Variants in AMBRA1 observed in about 807,000 individuals in gnomAD.
AMBRA1 encodes autophagy and beclin 1 regulator 1.
A neutral mutation model predicts 125.4 loss-of-function variants in AMBRA1; 47 were observed. The ratio of observed to expected loss-of-function variants is 0.37; its 90% confidence interval spans 0.30 to 0.48. The LOEUF (loss-of-function observed/expected upper bound fraction) is 0.48, where lower values mean the gene tolerates loss of function less well. Ranked by LOEUF, AMBRA1 falls within the 20% of genes least tolerant of loss-of-function variation. The pLI, the probability that AMBRA1 is intolerant of heterozygous loss-of-function variation, is 0.99. For missense variants in AMBRA1, 1,331 were observed against 1,693.4 expected (o/e 0.79, Z 3.76); for synonymous variants, 626 against 655.5 (o/e 0.95, Z 0.69).
chr11:46,585,324 G>A (rs1311729233), intron 1 of AMBRA1, among the ~76,000 whole-genome samples: 3 of 150,602 alleles, frequency 2.0e-5, no homozygotes, highest in East Asian at 2.0e-4. Flanking sequence ...CCCCCTCTGC[G>A]AGAAACACCC....
chr11:46,417,306 T>G (rs984802335), intron 15 of AMBRA1, among the ~76,000 whole-genome samples: 1 of 152,150 alleles, frequency 6.6e-6, no homozygotes, highest in Non-Finnish European at 1.5e-5. Context: ...TGCCTCAGCT[T>G]CTCAAAGTGC....
chr11:46,585,695 A>AAT (rs1555017409), intron 1 of AMBRA1, among the ~76,000 whole-genome samples: 885 of 22,890 alleles, frequency 0.039, 95 homozygotes, highest in East Asian at 0.09. Context: ...AAAAAAAAAA[A>AAT]ATATATATAT....
chr11:46,470,075 A>T (rs1014339942), intron 11 of AMBRA1, among the ~76,000 whole-genome samples: 2 of 152,182 alleles, frequency 1.3e-5, no homozygotes, highest in Admixed American at 1.3e-4. Flanking sequence ...TTAATCAGTT[A>T]TATAAATAAG....
chr11:46,588,102 T>C (rs967211068), intron 1 of AMBRA1, among the ~76,000 whole-genome samples: 1 of 152,070 alleles, frequency 6.6e-6, no homozygotes, highest in African/African-American at 2.4e-5. Flanking sequence ...ACAGGCCAAG[T>C]TGGGCAGATG....
At chr11:46,451,993 T>C (rs941950581) in intron 11 of AMBRA1, 1 of 152,016 alleles carries the variant, frequency 6.6e-6, no homozygotes, top group African/African-American at 2.4e-5. Flanking sequence ...TATGGGGTTT[T>C]TTAGGAGGTG....
chr11:46,418,433 G>A (rs1206694075), intron 14 of AMBRA1, among the ~76,000 whole-genome samples: 1 of 146,154 alleles, frequency 6.8e-6, no homozygotes, highest in African/African-American at 2.5e-5. Context: ...TAAGTTCTAG[G>A]GTACATGTGC....
chr11:46,555,887 C>A (rs1410447816), intron 1 of AMBRA1, among the ~76,000 whole-genome samples: 1 of 152,200 alleles, frequency 6.6e-6, no homozygotes, highest in Non-Finnish European at 1.5e-5. Flanking sequence ...GTCCAATCTC[C>A]TTATTTATTT....
At position 46,481,654 on chromosome 11, in the gene AMBRA1, C is replaced by T. The variant is rs143832725; in HGVS notation, c.2521+11954G>A. On this transcript the variant is annotated intron_variant, in intron 11 of 17. Transcript: ENST00000683756. ...CTGGGATTACAGGCATGATCTACCG[C>T]GCCCGGCCTATTTTTGTTCTCTGAA... Among the ~76,000 whole-genome samples, 365 of 152,306 alleles carry T rather than the reference C, an allele frequency of 2.4e-3. 4 individuals are homozygous for T. The highest frequency in any genetic ancestry group is 7.9e-3 in the African/African-American group (330 of 41,572).
chr11:46,584,796 G>T (rs1169689340), intron 1 of AMBRA1, among the ~76,000 whole-genome samples: 1 of 152,214 alleles, frequency 6.6e-6, no homozygotes, highest in Non-Finnish European at 1.5e-5. Context: ...TTGTTGCCAG[G>T]CTCAGTGGCT....
In AMBRA1 at chr11:46,397,318, C is replaced by T; in HGVS notation, c.*132G>A. 29 of 1,264,868 alleles carry T rather than the reference C, an allele frequency of 2.3e-5. No homozygotes were observed. Among genetic ancestry groups the T allele is most frequent in the Non-Finnish European group, 2.9e-5 (28 of 973,108 alleles). 78.4% of individuals were successfully genotyped at this position (1,264,868 alleles called of 1,614,324 possible). The stretch of plus-strand genomic sequence containing the variant: ...GTGCCCACTGACTGATCTTCCTCTC[C>T]ACCCTGACCCTCTTCCTCCTCCTGT... On this transcript the variant is annotated 3_prime_UTR_variant, in exon 18 of 18. Coordinates refer to ENST00000683756, the MANE Select transcript of AMBRA1 (RefSeq NM_001387011.1).
At chr11:46,447,799 C>T (rs1948378347) in intron 11 of AMBRA1, among the ~76,000 whole-genome samples, 1 of 151,830 alleles carries the variant, frequency 6.6e-6, no homozygotes, top group Non-Finnish European at 1.5e-5. Context: ...ATACTAAGTG[C>T]ATAATAAATG....
chr11:46,421,725 G>A (rs61882701), intron 14 of AMBRA1, among the ~76,000 whole-genome samples: 28,520 of 152,220 alleles, frequency 0.19, 2,975 homozygotes, highest in African/African-American at 0.28. Context: ...CCCTACAGAT[G>A]AGAGACTATC....
intron 9 of AMBRA1, among the ~76,000 whole-genome samples, chr11:46,507,637 C>A (rs1951101289): frequency 6.6e-6 from 1 of 152,176 alleles, no homozygotes; most frequent in African/African-American, 2.4e-5. Flanking sequence ...ATTTGACAGA[C>A]AACTTTTTAA....
intron 1 of AMBRA1, among the ~76,000 whole-genome samples, chr11:46,584,001 C>T (rs1371277201): frequency 6.9e-6 from 1 of 145,860 alleles, no homozygotes; most frequent in Admixed American, 7.0e-5. Flanking sequence ...AATACCATTT[C>T]ACCCAGCCAT....
chr11:46,401,258 C>CAA (rs1945742483), intron 17 of AMBRA1, among the ~76,000 whole-genome samples: 3 of 60,810 alleles, frequency 4.9e-5, no homozygotes, highest in Non-Finnish European at 9.7e-5. Flanking sequence ...CAGCTCTTTT[C>CAA]GAGACAGAGT....
intron 4 of AMBRA1, 91 bp downstream of exon 4, chr11:46,547,022 G>T: frequency 3.1e-6 from 4 of 1,291,270 alleles, no homozygotes; most frequent in Non-Finnish European, 3.2e-6. Flanking sequence ...AGCGAGCCAA[G>T]ATCACACCAC....
Position 46,543,201 on chromosome 11 carries a change from CG to C in AMBRA1, c.815del (p.Pro272ArgfsTer94). The C allele has an allele frequency of 8.0e-7, 1 of 1,246,574 alleles. No individual in the cohort carries two copies. Among genetic ancestry groups the C allele is most frequent in the Non-Finnish European group, 1.1e-6 (1 of 921,762 alleles). 77.2% of individuals were successfully genotyped at this position (1,246,574 alleles called of 1,614,324 possible). A position where few individuals can be genotyped will look rare whatever the true frequency, so the allele number is the denominator to read the frequency against. On this transcript the variant is annotated frameshift_variant, in exon 7 of 18. Coordinates refer to ENST00000683756, the MANE Select transcript of AMBRA1 (RefSeq NM_001387011.1). LOFTEE classifies it high-confidence loss of function. ...VQDSATPSPP[P>X]PPPQPSTERP... ...GCTCCGTGGAGGGCTGAGGGGGAGG[CG>C]GTGGGGGTGAGGGGGTAGCAGAATC...
intron 14 of AMBRA1, among the ~76,000 whole-genome samples, chr11:46,430,222 G>A (rs771777936): frequency 6.6e-6 from 1 of 152,168 alleles, no homozygotes; most frequent in Non-Finnish European, 1.5e-5. Flanking sequence ...GAGGTGAGGC[G>A]CAGACAGCCA....
At chr11:46,494,625 G>A in intron 9 of AMBRA1, 1 of 153,870 alleles carries the variant, frequency 6.5e-6, no homozygotes, top group Non-Finnish European at 1.4e-5. Flanking sequence ...AGGTCTTAAA[G>A]GAAGAAAAAT....
Sources: allele counts gnomAD v4.1 joint callset (sites outside exome capture counted in the v4.1 genomes callset), GRCh38; gene constraint gnomAD v4.1.1; transcripts MANE v1.5; gene names NCBI Gene and HGNC (gene_info 2026-07-23, HGNC 2026-07-21).